VPS35L: variants seen among roughly 807,000 people sequenced by gnomAD.
VPS35L encodes VPS35 endosomal protein-sorting factor-like.
VPS35L carries 83 observed loss-of-function variants against 133.0 expected under a neutral mutation model. That is an observed-to-expected ratio of 0.62 (90% CI 0.52 to 0.75). The LOEUF (loss-of-function observed/expected upper bound fraction) is 0.75, where lower values mean the gene tolerates loss of function less well. VPS35L is among the 30% of genes least tolerant of loss of function. VPS35L has a pLI of 0.00. For missense variants in VPS35L, 1,083 were observed against 1,206.8 expected (o/e 0.90, Z 1.52); for synonymous variants, 423 against 449.9 (o/e 0.94, Z 0.76).
intron 21 of VPS35L, among the ~76,000 whole-genome samples, chr16:19,641,961 A>G (rs1267425113): frequency 1.3e-5 from 2 of 152,204 alleles, no homozygotes; most frequent in East Asian, 1.9e-4. Flanking sequence ...CGTAATCCCA[A>G]TACTTTGGGA....
chr16:19,569,821 A>AT (rs1409087857), intron 3 of VPS35L, among the ~76,000 whole-genome samples: 1 of 151,882 alleles, frequency 6.6e-6, no homozygotes, highest in East Asian at 1.9e-4. Context: ...GGTACACACT[A>AT]CTGTGCCGGG....
In VPS35L at chr16:19,579,072, T is replaced by C. The variant is rs148120269; in HGVS notation, c.454T>C (p.Leu152=). 5.6e-5 allele frequency: 90 copies of C among 1,614,138 alleles called. No individual in the cohort carries two copies. The African/African-American group carries it at 1.0e-3, about 18-fold the overall frequency. The part of the protein sequence containing the change: ...SEKGKAGTAT[L]AMSEKVRTRL... ...TTTAGGCAAAGCTGGGACTGCCACA[T>C]TGGCAATGTCAGAGAAGGTGCGGAC... The change falls in exon 6 of 31, where the codon TTG becomes CTG. Residue 152 remains leucine (L), a synonymous_variant. Transcript: ENST00000417362.
intron 7 of VPS35L, among the ~76,000 whole-genome samples, chr16:19,586,522 T>G (rs1479941643): frequency 6.6e-6 from 1 of 151,904 alleles, no homozygotes; most frequent in Non-Finnish European, 1.5e-5. Flanking sequence ...GTATTTTTAG[T>G]AGAGATGGGG....
At chr16:19,576,176 AAAAAC>A (rs1172333229) in intron 5 of VPS35L, among the ~76,000 whole-genome samples, 1,999 of 142,508 alleles carry the variant, frequency 0.014, 63 homozygotes, top group African/African-American at 0.051. Flanking sequence ...AAAAAAAAAA[AAAAAC>A]AAAAAAAAAA....
intron 27 of VPS35L, among the ~76,000 whole-genome samples, chr16:19,679,502 TA>T: frequency 6.9e-6 from 1 of 145,726 alleles, no homozygotes; most frequent in South Asian, 2.2e-4. Flanking sequence ...TTTATTTATT[TA>T]TTTATTTATT....
At chr16:19,620,626 T>A (rs372826648) in intron 14 of VPS35L, among the ~76,000 whole-genome samples, 25 of 152,304 alleles carry the variant, frequency 1.6e-4, no homozygotes, top group Admixed American at 7.8e-4. Context: ...ATGTACCCCA[T>A]AAATATATAC....
chr16:19,573,314 A>G, intron 4 of VPS35L, 73 bp downstream of exon 4: 2 of 1,467,768 alleles, frequency 1.4e-6, no homozygotes, highest in South Asian at 1.3e-5. Flanking sequence ...TGTTGCTTCA[A>G]CTCCTGGGCT....
intron 28 of VPS35L, among the ~76,000 whole-genome samples, chr16:19,685,778 T>C (rs1360423350): frequency 3.3e-5 from 5 of 152,202 alleles, no homozygotes; most frequent in Non-Finnish European, 7.3e-5. Flanking sequence ...TTGGCGTCTT[T>C]GTTTCCCCTT....
chr16:19,697,844 C>A (rs1975970287), intron 29 of VPS35L, among the ~76,000 whole-genome samples: 2 of 152,188 alleles, frequency 1.3e-5, no homozygotes, highest in African/African-American at 4.8e-5. Flanking sequence ...TGAGTACGAG[C>A]ACAGGCTCTG....
intron 7 of VPS35L, among the ~76,000 whole-genome samples, chr16:19,584,346 G>A (rs1463530701): frequency 6.6e-6 from 1 of 151,972 alleles, no homozygotes; most frequent in East Asian, 1.9e-4. Context: ...TCCCTTTTCG[G>A]CTGGGTGTGG....
intron 1 of VPS35L, 137 bp downstream of exon 1, chr16:19,555,883 T>A: frequency 7.8e-7 from 1 of 1,277,064 alleles, no homozygotes; most frequent in Non-Finnish European, 1.1e-6. Context: ...GTCTTGACCG[T>A]AGAATCCCTG....
chr16:19,579,521 C>A (rs1309212263), intron 6 of VPS35L: 1 of 156,452 alleles, frequency 6.4e-6, no homozygotes, highest in Non-Finnish European at 1.4e-5. Context: ...CATGGTGAAA[C>A]CCTGACTCTA....
chr16:19,599,284 A>T (rs1354928899), intron 8 of VPS35L, among the ~76,000 whole-genome samples: 1 of 152,196 alleles, frequency 6.6e-6, no homozygotes, highest in Non-Finnish European at 1.5e-5. Context: ...ACCTCTGAGG[A>T]TGGACACAGA....
At position 19,699,613 on chromosome 16, in the gene VPS35L, G is replaced by A. The variant is rs759623970; in HGVS notation, c.2758G>A (p.Ala920Thr). 2 of 1,614,018 alleles carry A rather than the reference G, an allele frequency of 1.2e-6. No homozygotes were observed. Among genetic ancestry groups the A allele is most frequent in the Non-Finnish European group, 8.5e-7 (1 of 1,180,028 alleles). The change falls in exon 30 of 31, where the codon GCA becomes ACA. Residue 920 changes from alanine to threonine, a missense_variant. Coordinates refer to ENST00000417362, the MANE Select transcript of VPS35L (RefSeq NM_020314.7). This position sits in a 1 kb window ranked among gnomAD's most constrained non-coding sequence, Gnocchi z 4.2. ...GCTCTCCGTCAACCTGTGGCACCTG[G>A]CACAGAGGCACGGCTGTGCAGACAC... ...NQLSVNLWHL[A>T]QRHGCADTRT...
intron 14 of VPS35L, among the ~76,000 whole-genome samples, chr16:19,622,759 G>C (rs1244373497): frequency 6.6e-6 from 1 of 152,092 alleles, no homozygotes; most frequent in Non-Finnish European, 1.5e-5. Flanking sequence ...TTTGCTATTG[G>C]TCTTTAAGAA....
At chr16:19,652,277 A>G (rs1049310856) in intron 26 of VPS35L, 187 bp downstream of exon 26, 1 of 554,964 alleles carries the variant, frequency 1.8e-6, no homozygotes. Flanking sequence ...CCTGGGCTCA[A>G]GCAGTCCTCC....
intron 7 of VPS35L, among the ~76,000 whole-genome samples, chr16:19,583,237 C>T (rs368789893): frequency 4.6e-4 from 70 of 152,200 alleles, no homozygotes; most frequent in Middle Eastern, 3.4e-3. Flanking sequence ...CCGAGCCTGT[C>T]TGTAATCAAA....
intron 19 of VPS35L, among the ~76,000 whole-genome samples, chr16:19,637,000 T>C (rs896880034): frequency 5.9e-5 from 9 of 152,226 alleles, no homozygotes; most frequent in African/African-American, 7.2e-5. Context: ...CACACGATGA[T>C]GTAGAATAGG....
At chr16:19,680,460 G>C (rs906330022) in intron 27 of VPS35L, among the ~76,000 whole-genome samples, 5 of 152,278 alleles carry the variant, frequency 3.3e-5, no homozygotes, top group Non-Finnish European at 7.4e-5. Context: ...AGCAGACCTG[G>C]CGGTGTATTG....
Sources: allele counts gnomAD v4.1 joint callset (sites outside exome capture counted in the v4.1 genomes callset), GRCh38; gene constraint gnomAD v4.1.1; non-coding constraint Gnocchi (gnomAD v3.1); transcripts MANE v1.5; gene names NCBI Gene and HGNC (gene_info 2026-07-23, HGNC 2026-07-21).